The following LRRTM4 variants were observed in gnomAD, a reference collection of about 807,000 sequenced individuals.
LRRTM4 encodes leucine-rich repeat transmembrane neuronal protein 4.
Under a neutral mutation model 47.6 loss-of-function variants are expected in LRRTM4, and 25 were observed. The ratio of observed to expected loss-of-function variants is 0.53; its 90% CI spans 0.38 to 0.73. The LOEUF (loss-of-function observed/expected upper bound fraction) is 0.73. Among genes scored for constraint, LRRTM4 ranks in the 30% least tolerant of loss-of-function variants. LRRTM4 has a pLI of 0.00. For synonymous variants in LRRTM4, 311 were observed against 269.5 expected (o/e 1.15, Z -1.51); for missense variants, 638 against 713.4 (o/e 0.89, Z 1.20).
At chr2:76,973,951 A>C (rs1463483315) in intron 3 of LRRTM4, among the ~76,000 whole-genome samples, 4 of 151,680 alleles carry the variant, frequency 2.6e-5, no homozygotes, top group Non-Finnish European at 1.5e-5. Flanking sequence ...ATTCAGAAAC[A>C]AATGCCTGTC....
chr2:77,313,369 C>T (rs1258292956), intron 3 of LRRTM4, among the ~76,000 whole-genome samples: 221 of 122,496 alleles, frequency 1.8e-3, no homozygotes, highest in African/African-American at 6.9e-3. Flanking sequence ...CCTCCCTACC[C>T]TTCCCTGGGA....
intron 3 of LRRTM4, among the ~76,000 whole-genome samples, chr2:76,974,053 C>T (rs1676311441): frequency 6.6e-6 from 1 of 150,956 alleles, no homozygotes; most frequent in Non-Finnish European, 1.5e-5. Context: ...TTTCCAGTTG[C>T]TTAGAGAAAG....
chr2:77,037,379 G>C (rs1678872404), intron 3 of LRRTM4, among the ~76,000 whole-genome samples: 1 of 151,724 alleles, frequency 6.6e-6, no homozygotes, highest in African/African-American at 2.4e-5. Context: ...AAGGCACTCA[G>C]TCACCACAAT....
At position 76,858,061 on chromosome 2, in the gene LRRTM4, C is replaced by T. The variant is rs150043126; in HGVS notation, c.1552-109145G>A. On this transcript the variant is annotated intron_variant, in intron 3 of 3. Coordinates refer to ENST00000409884, the MANE Select transcript of LRRTM4 (RefSeq NM_001134745.3). ...GTATAAATAACATCATATTTGCAAGCAAAAGAAAATGGGCAATAGATATCT... is the reference window on the plus strand; with the variant it reads ...GTATAAATAACATCATATTTGCAAGTAAAAGAAAATGGGCAATAGATATCT... Among the ~76,000 whole-genome samples the T allele has an allele frequency of 5.5e-3, 835 of 152,000 alleles. 8 individuals are homozygous for T. Among genetic ancestry groups the T allele is most frequent in the African/African-American group, 0.019 (801 of 41,482 alleles).
intron 3 of LRRTM4, among the ~76,000 whole-genome samples, chr2:76,837,290 G>C (rs540491280): frequency 2.6e-5 from 4 of 151,792 alleles, no homozygotes; most frequent in Admixed American, 6.6e-5. Context: ...ATTAGTCTTC[G>C]TAGCGGTCTA....
chr2:76,948,831 T>C (rs934663700), intron 3 of LRRTM4, among the ~76,000 whole-genome samples: 1 of 151,834 alleles, frequency 6.6e-6, no homozygotes, highest in Non-Finnish European at 1.5e-5. Flanking sequence ...ATAATGAAAT[T>C]TGGGGCTCAT....
intron 3 of LRRTM4, among the ~76,000 whole-genome samples, chr2:76,781,750 G>C (rs1000003156): frequency 4.6e-5 from 7 of 152,188 alleles, no homozygotes; most frequent in African/African-American, 1.7e-4. Flanking sequence ...GACCGGAGCT[G>C]TTCCTATTCT....
chr2:77,444,428 C>A (rs1675968202), intron 3 of LRRTM4, among the ~76,000 whole-genome samples: 1 of 152,004 alleles, frequency 6.6e-6, no homozygotes, highest in Non-Finnish European at 1.5e-5. Flanking sequence ...ATATTTCCTT[C>A]ATGTTATTTT....
At chr2:77,317,666 A>G (rs290023) in intron 3 of LRRTM4, among the ~76,000 whole-genome samples, 4,992 of 152,262 alleles carry the variant, frequency 0.033, 120 homozygotes, top group East Asian at 0.087. Context: ...CAGGCAGACT[A>G]CAGTCAATAT....
intron 3 of LRRTM4, among the ~76,000 whole-genome samples, chr2:77,398,199 T>C (rs149247276): frequency 6.0e-4 from 91 of 152,036 alleles, no homozygotes; most frequent in African/African-American, 2.1e-3. Context: ...AAAAATAGTT[T>C]TCTTGAAAGG....
intron 3 of LRRTM4, among the ~76,000 whole-genome samples, chr2:77,392,095 A>G (rs938030524): frequency 1.3e-5 from 2 of 152,078 alleles, no homozygotes; most frequent in African/African-American, 4.8e-5. Context: ...TCGATAAAAG[A>G]CATTTACATC....
At chr2:77,375,777 A>C (rs1672816382) in intron 3 of LRRTM4, among the ~76,000 whole-genome samples, 1 of 151,646 alleles carries the variant, frequency 6.6e-6, no homozygotes, top group African/African-American at 2.4e-5. Context: ...TTTCTTTTCC[A>C]ATTTTGAATA....
rs140750499 is a variant in LRRTM4 at position 77,154,599 on chromosome 2, T to G, written c.1551+363719A>C. Among the ~76,000 whole-genome samples, 259 of 152,292 alleles carry G rather than the reference T, an allele frequency of 1.7e-3. 1 individual carries two copies. Among genetic ancestry groups the G allele is most frequent in the Non-Finnish European group, 2.3e-3 (154 of 67,998 alleles). On this transcript the variant is annotated intron_variant, in intron 3 of 3. Transcript: ENST00000409884. ...TAAAAAGCAATAAAAAATCTTTTAA[T>G]CTAATAATCTAGATTCTCAGAATTT...
chr2:76,866,658 A>G (rs1321052560), intron 3 of LRRTM4, among the ~76,000 whole-genome samples: 1 of 152,164 alleles, frequency 6.6e-6, no homozygotes. Flanking sequence ...AAATCAGCAA[A>G]CAAGTGAGAA....
intron 3 of LRRTM4, among the ~76,000 whole-genome samples, chr2:77,338,074 C>T (rs989317218): frequency 6.6e-6 from 1 of 151,976 alleles, no homozygotes; most frequent in Admixed American, 6.6e-5. Flanking sequence ...TTCCTTATAC[C>T]AGATACAAAA....
chr2:77,242,171 A>G (rs1467345795), intron 3 of LRRTM4, among the ~76,000 whole-genome samples: 2 of 152,152 alleles, frequency 1.3e-5, no homozygotes, highest in Non-Finnish European at 2.9e-5. Flanking sequence ...CTATTTCTGT[A>G]AAACAAAATC....
intron 3 of LRRTM4, among the ~76,000 whole-genome samples, chr2:76,989,417 A>T (rs1198066662): frequency 1.3e-5 from 2 of 151,896 alleles, no homozygotes; most frequent in African/African-American, 4.8e-5. Flanking sequence ...AATACAGAAA[A>T]ATTAGTAAAA....
intron 3 of LRRTM4, among the ~76,000 whole-genome samples, chr2:77,010,019 AAAT>A (rs1240495453): frequency 6.6e-6 from 1 of 151,990 alleles, no homozygotes; most frequent in African/African-American, 2.4e-5. Context: ...AATTCATAAG[AAAT>A]AATTGAATAT....
chr2:77,519,083 C>T lies in LRRTM4; in HGVS notation c.786G>A (p.Gly262=), dbSNP rs1375832332. 6.2e-7 allele frequency: 1 copy of T among 1,612,684 alleles called. No homozygotes were observed. The highest frequency in any genetic ancestry group is 2.2e-5 in the East Asian group (1 of 44,788). The change falls in exon 3 of 4, where the codon GGG becomes GGA. Residue 262 remains glycine (G), a synonymous_variant. Transcript: ENST00000409884. This position sits in a 1 kb window ranked among gnomAD's most constrained non-coding sequence, Gnocchi z 4.6. The part of the protein sequence containing the change: ...WSSLHNLDLS[G]NDIQGIEPGT... ...CCGGCTCAATTCCTTGGATGTCATT[C>T]CCTGATAAATCCAAGTTGTGTAAGG...
Sources: gnomAD v4.1 joint callset for allele counts (sites outside exome capture counted in the v4.1 genomes callset) on GRCh38, gnomAD v4.1.1 for gene constraint, Gnocchi (gnomAD v3.1) non-coding constraint, MANE v1.5 for transcripts, NCBI Gene and HGNC (gene_info 2026-07-23, HGNC 2026-07-21) for gene names.